Variants in CCDC178 observed in about 807,000 individuals in gnomAD.
CCDC178 encodes the protein coiled-coil domain containing 178, also known as coiled-coil domain-containing protein 178.
CCDC178 carries 126 observed loss-of-function variants against 117.4 expected under a neutral mutation model. The observed-to-expected ratio is 1.07, with a 90% CI of 0.93 to 1.24. The LOEUF (loss-of-function observed/expected upper bound fraction) is 1.24. CCDC178 is among the 50% of genes most tolerant of loss of function. CCDC178 has a pLI of 0.00. For synonymous variants in CCDC178, 283 were observed against 313.4 expected, an observed-to-expected ratio of 0.90 and a Z score of 1.02; for missense variants, 1,030 against 986.9, an observed-to-expected ratio of 1.04 and a Z score of -0.59.
At chr18:33,060,461 AAT>A (rs1193093682) in intron 21 of CCDC178, among the ~76,000 whole-genome samples, 1 of 152,120 alleles carries the variant, frequency 6.6e-6, no homozygotes, top group Non-Finnish European at 1.5e-5. Flanking sequence ...AGTTTTCTCA[AAT>A]ATGATTGTCA....
At chr18:33,422,642 T>G (rs1320029386) in intron 2 of CCDC178, among the ~76,000 whole-genome samples, 1 of 152,202 alleles carries the variant, frequency 6.6e-6, no homozygotes, top group East Asian at 1.9e-4. Flanking sequence ...TTAATTGTAT[T>G]TTATTTTAAT....
At chr18:33,331,963 A>G (rs1182480508) in intron 10 of CCDC178, among the ~76,000 whole-genome samples, 2 of 152,206 alleles carry the variant, frequency 1.3e-5, no homozygotes, top group African/African-American at 4.8e-5. Flanking sequence ...TTGTTGCCAG[A>G]TATTGGAAAC....
At chr18:33,081,115 AT>A (rs2057290176) in intron 21 of CCDC178, among the ~76,000 whole-genome samples, 2 of 152,130 alleles carry the variant, frequency 1.3e-5, no homozygotes, top group African/African-American at 4.8e-5. Flanking sequence ...AGGAGGACAT[AT>A]TTTACTGTGA....
At chr18:33,350,511 T>C (rs2062960805) in intron 7 of CCDC178, among the ~76,000 whole-genome samples, 1 of 152,192 alleles carries the variant, frequency 6.6e-6, no homozygotes, top group South Asian at 2.1e-4. Flanking sequence ...ATGAATATTT[T>C]ATAGAAATGT....
At chr18:33,151,823 A>T (rs1433482943) in intron 20 of CCDC178, among the ~76,000 whole-genome samples, 5 of 152,192 alleles carry the variant, frequency 3.3e-5, no homozygotes, top group Admixed American at 3.3e-4. Context: ...TAGTAAAGGG[A>T]CTTAGAACCA....
At chr18:33,289,304 G>A (rs1470731062) in intron 12 of CCDC178, among the ~76,000 whole-genome samples, 1 of 152,024 alleles carries the variant, frequency 6.6e-6, no homozygotes, top group Non-Finnish European at 1.5e-5. Context: ...ATTTGCAAGA[G>A]GTAGAGTTTA....
chr18:33,385,832 CAGA>C (rs1207535799), intron 5 of CCDC178, among the ~76,000 whole-genome samples: 2 of 152,126 alleles, frequency 1.3e-5, no homozygotes, highest in Non-Finnish European at 2.9e-5. Context: ...CCAGAGCTAG[CAGA>C]AGACTAGACA....
chr18:33,397,855 T>C (rs867003487), intron 3 of CCDC178, among the ~76,000 whole-genome samples: 5 of 152,140 alleles, frequency 3.3e-5, no homozygotes, highest in Admixed American at 6.5e-5. Flanking sequence ...GTATAACTTA[T>C]GTAGGAACAT....
At chr18:33,377,071 G>C (rs993040898) in intron 5 of CCDC178, among the ~76,000 whole-genome samples, 1 of 152,146 alleles carries the variant, frequency 6.6e-6, no homozygotes, top group African/African-American at 2.4e-5. Context: ...CCCACCAACA[G>C]TGTATAACAA....
At chr18:33,435,684 T>TAATAATCATATTTATTATTATAATAC (rs2064279153) in intron 2 of CCDC178, among the ~76,000 whole-genome samples, 1 of 143,782 alleles carries the variant, frequency 7.0e-6, no homozygotes, top group South Asian at 2.2e-4. Flanking sequence ...ACATTATTTA[T>TAATAATCATATTTATTATTATAATAC]AATAATAATA....
At chr18:33,197,615 A>T (rs1312037153) in intron 20 of CCDC178, among the ~76,000 whole-genome samples, 1 of 144,696 alleles carries the variant, frequency 6.9e-6, no homozygotes, top group Admixed American at 6.9e-5. Flanking sequence ...ACCACACTGG[A>T]TTGCTTTATC....
intron 21 of CCDC178, among the ~76,000 whole-genome samples, chr18:33,033,299 T>C (rs2056381071): frequency 6.6e-6 from 1 of 152,134 alleles, no homozygotes; most frequent in South Asian, 2.1e-4. Flanking sequence ...AAAAAGCCTT[T>C]GAGAAAAAAT....
intron 6 of CCDC178, among the ~76,000 whole-genome samples, chr18:33,358,585 T>G (rs2063088551): frequency 6.6e-6 from 1 of 151,836 alleles, no homozygotes; most frequent in African/African-American, 2.4e-5. Flanking sequence ...CTAATTTTCC[T>G]TAGTAAAATT....
chr18:33,438,124 C>T (rs1456164445), intron 2 of CCDC178, among the ~76,000 whole-genome samples: 4 of 152,096 alleles, frequency 2.6e-5, no homozygotes, highest in Admixed American at 2.0e-4. Context: ...CCATAACTTC[C>T]ACAGTGATCA....
At chr18:33,294,488 A>C (rs1386614076) in intron 11 of CCDC178, among the ~76,000 whole-genome samples, 2 of 152,206 alleles carry the variant, frequency 1.3e-5, no homozygotes, top group African/African-American at 2.4e-5. Flanking sequence ...CAATAAATAT[A>C]TGGTGTGCTT....
At position 33,174,271 on chromosome 18, in the gene CCDC178, C is replaced by T. The variant is rs79978691; in HGVS notation, c.2238+37625G>A. Among the ~76,000 whole-genome samples, 287 of 152,248 alleles carry T rather than the reference C, an allele frequency of 1.9e-3. 1 individual carries two copies. The highest frequency in any genetic ancestry group is 6.4e-3 in the African/African-American group (267 of 41,542). Reference sequence around the variant, plus strand: ...AGCCATAAGGGCTCTTCTCCTATAGCCCAAATACCTCCCATCAAGCCCCAC... The same window carrying T: ...AGCCATAAGGGCTCTTCTCCTATAGTCCAAATACCTCCCATCAAGCCCCAC... On this transcript the variant is annotated intron_variant, in intron 20 of 22. Coordinates refer to ENST00000383096, the MANE Select transcript of CCDC178 (RefSeq NM_001105528.4).
intron 21 of CCDC178, among the ~76,000 whole-genome samples, chr18:32,982,485 T>C (rs1007766698): frequency 2.0e-5 from 3 of 152,126 alleles, no homozygotes; most frequent in African/African-American, 7.2e-5. Flanking sequence ...CAGTTCTTTG[T>C]CTATGAATAA....
intron 4 of CCDC178, among the ~76,000 whole-genome samples, chr18:33,390,273 T>C (rs1422308158): frequency 2.0e-5 from 3 of 151,866 alleles, no homozygotes; most frequent in African/African-American, 7.2e-5. Context: ...TTATCATTTA[T>C]TTGACATTTT....
chr18:33,388,519 ATTTT>A (rs71159828), intron 5 of CCDC178, among the ~76,000 whole-genome samples: 1 of 65,266 alleles, frequency 1.5e-5, no homozygotes, highest in Non-Finnish European at 2.6e-5. Flanking sequence ...ACACCACGGA[ATTTT>A]TTTTTTTTTT....
Sources: allele counts gnomAD v4.1 joint callset (sites outside exome capture counted in the v4.1 genomes callset), GRCh38; gene constraint gnomAD v4.1.1; transcripts MANE v1.5; gene names NCBI Gene and HGNC (gene_info 2026-07-23, HGNC 2026-07-21).